Variants in GRID2 observed in about 807,000 individuals in gnomAD.
GRID2 encodes the protein glutamate ionotropic receptor delta type subunit 2.
GRID2 carries 33 observed loss-of-function variants against 114.8 expected under a neutral mutation model. That is an observed-to-expected ratio of 0.29 (90% confidence interval 0.22 to 0.38). The LOEUF (loss-of-function observed/expected upper bound fraction) is 0.38. GRID2 is among the 10% of genes least tolerant of loss of function. The pLI is 1.00. For synonymous variants in GRID2, 505 were observed against 449.9 expected (o/e 1.12, Z -1.55); for missense variants, 1,184 against 1,257.7 (o/e 0.94, Z 0.89).
intron 7 of GRID2, among the ~76,000 whole-genome samples, chr4:93,232,198 C>T (rs936320500): frequency 2.6e-5 from 4 of 152,064 alleles, no homozygotes; most frequent in Non-Finnish European, 5.9e-5. Flanking sequence ...AATTTTAGAA[C>T]ACCTTTACCT....
In GRID2 at chr4:92,676,450, G is replaced by T. The variant is rs1028369502; in HGVS notation, c.244+86164G>T. ...CTGCCTCAGCCTCCCAAAGTGCTGG[G>T]ATTACAGGCATGAGCCACCACGCCC... On this transcript the variant is annotated intron_variant, in intron 2 of 15. Transcript: ENST00000282020. Among the ~76,000 whole-genome samples the T allele has an allele frequency of 2.6e-4, 40 of 152,072 alleles. 1 individual carries two copies. The highest frequency in any genetic ancestry group is 1.2e-3 in the Admixed American group (19 of 15,266).
chr4:93,672,680 T>A (rs1183231489), intron 14 of GRID2, among the ~76,000 whole-genome samples: 1 of 152,222 alleles, frequency 6.6e-6, no homozygotes, highest in African/African-American at 2.4e-5. Context: ...TAAACTTTTG[T>A]CTGAGCAAAA....
intron 13 of GRID2, among the ~76,000 whole-genome samples, chr4:93,548,992 A>C (rs1733504820): frequency 6.6e-6 from 1 of 152,218 alleles, no homozygotes; most frequent in Non-Finnish European, 1.5e-5. Context: ...AGAAGAAATA[A>C]GTTAATATAA....
At chr4:92,680,381 G>A (rs964685180) in intron 2 of GRID2, among the ~76,000 whole-genome samples, 1 of 152,098 alleles carries the variant, frequency 6.6e-6, no homozygotes, top group African/African-American at 2.4e-5. Context: ...GAATACAAAT[G>A]TGAATCAAAT....
intron 1 of GRID2, among the ~76,000 whole-genome samples, chr4:93,798,587 A>G (rs1377984917): frequency 6.6e-6 from 1 of 152,228 alleles, no homozygotes; most frequent in Non-Finnish European, 1.5e-5. Context: ...ATCATATTAA[A>G]TACATATGTA....
intron 1 of GRID2, among the ~76,000 whole-genome samples, chr4:92,408,381 CCTTTGG>C (rs1731125906): frequency 7.1e-6 from 1 of 140,128 alleles, no homozygotes; most frequent in Non-Finnish European, 1.5e-5. Context: ...CAATGTGATG[CCTTTGG>C]CTTTGTGCTT....
intron 9 of GRID2, among the ~76,000 whole-genome samples, chr4:93,414,487 C>T (rs1291027980): frequency 2.6e-5 from 4 of 152,170 alleles, no homozygotes; most frequent in Admixed American, 2.6e-4. Context: ...TTGGTCCTAG[C>T]CACGCTAGTG....
At chr4:93,102,823 CTAAG>C (rs1289210548) in intron 3 of GRID2, among the ~76,000 whole-genome samples, 2 of 150,816 alleles carry the variant, frequency 1.3e-5, no homozygotes, top group Non-Finnish European at 3.0e-5. Flanking sequence ...ATACTGGTGG[CTAAG>C]TAAGAATCCA....
chr4:93,069,164 A>G (rs921837771), intron 2 of GRID2, among the ~76,000 whole-genome samples: 13 of 151,940 alleles, frequency 8.6e-5, no homozygotes, highest in African/African-American at 3.1e-4. Context: ...CACCTCCAAC[A>G]TTCGAGATTA....
intron 9 of GRID2, among the ~76,000 whole-genome samples, chr4:93,422,138 G>A (rs990929080): frequency 6.6e-6 from 1 of 152,060 alleles, no homozygotes; most frequent in African/African-American, 2.4e-5. Context: ...TAAAAGAGGT[G>A]GAAGCAGAAA....
chr4:93,126,970 A>G (rs1049754441), intron 4 of GRID2, among the ~76,000 whole-genome samples: 8 of 152,022 alleles, frequency 5.3e-5, no homozygotes, highest in Non-Finnish European at 1.0e-4. Flanking sequence ...TCACTTTACC[A>G]CTAATAATAG....
At chr4:92,554,296 T>A (rs1212287570) in intron 1 of GRID2, among the ~76,000 whole-genome samples, 1 of 152,104 alleles carries the variant, frequency 6.6e-6, no homozygotes, top group African/African-American at 2.4e-5. Flanking sequence ...AACAGAGAAA[T>A]CGAGTAATAT....
Position 92,703,617 on chromosome 4 carries a change from TTATATATATATA to T in GRID2, c.244+113348_244+113359del, listed in dbSNP as rs3971001. Among the ~76,000 whole-genome samples, 4 of 141,008 alleles carry T rather than the reference TTATATATATATA, an allele frequency of 2.8e-5. No homozygotes were observed. The East Asian group carries it at 8.2e-4, about 29-fold the overall frequency. 92.5% of individuals were successfully genotyped at this position (141,008 alleles called of 152,430 possible). On this transcript the variant is annotated intron_variant, in intron 2 of 15. Transcript: ENST00000282020. The stretch of plus-strand genomic sequence containing the variant: ...TTCATTAATAAAATGAGGAAAAACA[TTATATATATATA>T]TATATATATATATATAAAATCATGA...
intron 1 of GRID2, among the ~76,000 whole-genome samples, chr4:92,441,721 T>C (rs1456208988): frequency 3.3e-5 from 5 of 151,412 alleles, no homozygotes; most frequent in South Asian, 2.1e-4. Flanking sequence ...TGGCATTGAG[T>C]GGGGTAAGGG....
chr4:92,817,370 A>G (rs1740984155), intron 2 of GRID2, among the ~76,000 whole-genome samples: 1 of 152,046 alleles, frequency 6.6e-6, no homozygotes, highest in Non-Finnish European at 1.5e-5. Context: ...CATTCTCTCC[A>G]TACACCTTAC....
intron 2 of GRID2, among the ~76,000 whole-genome samples, chr4:92,619,054 C>A (rs1470459764): frequency 6.6e-6 from 1 of 151,262 alleles, no homozygotes; most frequent in Non-Finnish European, 1.5e-5. Context: ...TTGAATTTGT[C>A]TTTGTTTTTT....
In GRID2 at chr4:92,761,405, C is replaced by T. The variant is rs543367398; in HGVS notation, c.244+171119C>T. On this transcript the variant is annotated intron_variant, in intron 2 of 15. Coordinates refer to ENST00000282020, the MANE Select transcript of GRID2 (RefSeq NM_001510.4). The stretch of plus-strand genomic sequence containing the variant: ...TCAGTTCTGTGCTCTGGTTTCTTTA[C>T]AGCTCTATTTAGTCAGATATAAGAA... Among the ~76,000 whole-genome samples the T allele has an allele frequency of 5.3e-5, 8 of 152,262 alleles. No individual in the cohort carries two copies. The East Asian group carries it at 9.6e-4, about 18-fold the overall frequency.
intron 7 of GRID2, 95 bp from the exon 8 acceptor site, chr4:93,238,276 T>A: frequency 2.5e-6 from 2 of 803,102 alleles, no homozygotes; most frequent in South Asian, 4.2e-5. Flanking sequence ...TATTATTTTA[T>A]AGATAGAAGT....
At position 93,347,587 on chromosome 4, in the gene GRID2, CTAAGA is replaced by C. The variant is rs150820923; in HGVS notation, c.1246-48016_1246-48012del. Among the ~76,000 whole-genome samples, 1,052 of 152,214 alleles carry C rather than the reference CTAAGA, an allele frequency of 6.9e-3. 11 individuals carry two copies. The highest frequency in any genetic ancestry group is 0.023 in the African/African-American group (974 of 41,548). On this transcript the variant is annotated intron_variant, in intron 8 of 15. Transcript: ENST00000282020. ...TTTGACGTTACACTTAAACACTACACTAAGATAATAGTAATCATAACACTCTATTA... is the reference window on the plus strand; with the variant it reads ...TTTGACGTTACACTTAAACACTACACTAATAGTAATCATAACACTCTATTA...
Sources: gnomAD v4.1 joint callset for allele counts (sites outside exome capture counted in the v4.1 genomes callset) on GRCh38, gnomAD v4.1.1 for gene constraint, MANE v1.5 for transcripts, NCBI Gene and HGNC (gene_info 2026-07-23, HGNC 2026-07-21) for gene names.